Variants in MSANTD4 observed in about 807,000 individuals in gnomAD.
MSANTD4 encodes the protein myb/SANT-like DNA-binding domain-containing protein 4.
Under a neutral mutation model 34.3 loss-of-function variants are expected in MSANTD4, and 13 were observed. That is an observed-to-expected ratio of 0.38 (90% CI 0.25 to 0.60). The LOEUF is 0.60. MSANTD4 is among the 20% of genes least tolerant of loss of function. The pLI, the probability that MSANTD4 is intolerant of heterozygous loss-of-function variation, is 0.63. For missense variants in MSANTD4, 358 were observed against 401.8 expected (o/e 0.89, Z 0.93); for synonymous variants, 137 against 145.2 (o/e 0.94, Z 0.41).
At chr11:106,013,405 C>T (rs1204890230) in intron 1 of MSANTD4, among the ~76,000 whole-genome samples, 2 of 152,140 alleles carry the variant, frequency 1.3e-5, no homozygotes, top group Non-Finnish European at 2.9e-5. Context: ...CCCATCATAA[C>T]ATTAAATGGG....
intron 1 of MSANTD4, among the ~76,000 whole-genome samples, chr11:106,016,913 A>C (rs1859868197): frequency 6.6e-6 from 1 of 152,130 alleles, no homozygotes; most frequent in African/African-American, 2.4e-5. Flanking sequence ...AACAGAACAG[A>C]GAGCCAAAGA....
At chr11:106,015,030 T>C (rs1859806492) in intron 1 of MSANTD4, among the ~76,000 whole-genome samples, 2 of 152,168 alleles carry the variant, frequency 1.3e-5, no homozygotes, top group Admixed American at 1.3e-4. Flanking sequence ...AATAATAAAA[T>C]TGAAATCCAC....
At chr11:106,020,122 A>C (rs1384075358) in intron 1 of MSANTD4, among the ~76,000 whole-genome samples, 1 of 152,234 alleles carries the variant, frequency 6.6e-6, no homozygotes, top group Non-Finnish European at 1.5e-5. Flanking sequence ...CAAAAACTAC[A>C]ATAAAGAAAT....
At chr11:106,013,633 G>A (rs2134945334) in intron 1 of MSANTD4, among the ~76,000 whole-genome samples, 1 of 152,306 alleles carries the variant, frequency 6.6e-6, no homozygotes, top group South Asian at 2.1e-4. Context: ...GGCTGAGGCG[G>A]GCGGATTGCC....
At chr11:106,014,314 G>A (rs1260610552) in intron 1 of MSANTD4, among the ~76,000 whole-genome samples, 1 of 152,038 alleles carries the variant, frequency 6.6e-6, no homozygotes, top group Non-Finnish European at 1.5e-5. Flanking sequence ...AAGCCTCCCC[G>A]CTTTGTGTTT....
At chr11:106,012,864 T>A (rs1425963444) in intron 1 of MSANTD4, among the ~76,000 whole-genome samples, 1 of 152,148 alleles carries the variant, frequency 6.6e-6, no homozygotes, top group East Asian at 1.9e-4. Context: ...CTAAAGCACA[T>A]CCACAATCCT....
chr11:106,020,755 G>A (rs1351685120), intron 1 of MSANTD4, among the ~76,000 whole-genome samples: 1 of 152,148 alleles, frequency 6.6e-6, no homozygotes, highest in African/African-American at 2.4e-5. Context: ...GATCTATTCT[G>A]AACTGATGAA....
At chr11:106,012,413 G>T (rs1488078649) in intron 1 of MSANTD4, among the ~76,000 whole-genome samples, 2 of 152,102 alleles carry the variant, frequency 1.3e-5, no homozygotes, top group East Asian at 3.8e-4. Flanking sequence ...GCAGTACTTT[G>T]TATTTTTCTG....
rs1251331890 is a variant in MSANTD4 at position 106,010,670 on chromosome 11, T to C, written c.248A>G (p.Lys83Arg). The C allele has an allele frequency of 1.2e-6, 2 of 1,614,050 alleles. No homozygotes were observed. The highest frequency in any genetic ancestry group is 2.2e-5 in the East Asian group (1 of 44,896). ...CAGCTTAATGTTGGCCTTCATCCTC[T>C]TTCTCTTCATAAGTGCTCGCCAGTC... ...YLDWRALMKRKRMKANIKLVG... is the reference protein window; with the variant it reads ...YLDWRALMKRRRMKANIKLVG... Residue 83 changes from lysine to arginine, a missense_variant, in exon 2 of 3, where the codon AAG becomes AGG. Lys to Arg is a conservative substitution (Grantham distance 26). Around this residue, in one of 2 missense-constraint regions of MSANTD4, gnomAD observed 312 missense variants for 317.6 expected, o/e 0.98. Transcript: ENST00000301919.
chr11:106,019,441 G>A (rs1356779463), intron 1 of MSANTD4, among the ~76,000 whole-genome samples: 1 of 152,090 alleles, frequency 6.6e-6, no homozygotes, highest in East Asian at 1.9e-4. Flanking sequence ...AATAATGTAA[G>A]GCTACTGGCT....
At chr11:106,011,560 C>G (rs1303412692) in intron 1 of MSANTD4, among the ~76,000 whole-genome samples, 1 of 152,158 alleles carries the variant, frequency 6.6e-6, no homozygotes, top group African/African-American at 2.4e-5. Flanking sequence ...TCAAATTACT[C>G]CAGCATAAAA....
At chr11:106,011,547 A>G (rs1859693280) in intron 1 of MSANTD4, among the ~76,000 whole-genome samples, 1 of 152,164 alleles carries the variant, frequency 6.6e-6, no homozygotes, top group Non-Finnish European at 1.5e-5. Context: ...CTTTCCTGAC[A>G]AATCAAATTA....
At chr11:106,010,231 A>G (rs1353545533) in intron 2 of MSANTD4, 121 bp from the exon 3 acceptor site, 1 of 1,167,518 alleles carries the variant, frequency 8.6e-7, no homozygotes, top group South Asian at 1.7e-5. Flanking sequence ...AATTTTGAAT[A>G]TCATTTACAC....
At position 106,010,067 on chromosome 11, in the gene MSANTD4, G is replaced by A; in HGVS notation, c.506C>T (p.Pro169Leu). 6.3e-7 allele frequency: 1 copy of A among 1,588,430 alleles called. No homozygotes were observed. Reference sequence around the variant, plus strand: ...AAGTTCATTTTCTCTCCTGGAATCTGGTATGACGGATGACAACATTTCTTC... The same window carrying A: ...AAGTTCATTTTCTCTCCTGGAATCTAGTATGACGGATGACAACATTTCTTC... ...EEEEMLSSVI[P>L]DSRRENELPD... Residue 169 changes from proline (P) to leucine (L), a missense_variant, in exon 3 of 3, where the codon CCA (proline) becomes CTA (leucine). Coordinates refer to ENST00000301919, the MANE Select transcript of MSANTD4 (RefSeq NM_032424.3).
rs1471654522 is a variant in MSANTD4, at chr11:106,010,468, C to T, written c.450G>A (p.Pro150=). ...GGCTAATACTTACTTCAGGACTCTG[C>T]GGATCCCTTTCTTCCTCTTCCACCT... The part of the protein sequence containing the change: ...EVKVEEEERD[P]QSPEFEIEEE... Residue 150 remains proline, a synonymous_variant, in exon 2 of 3, where the codon CCG becomes CCA. Transcript: ENST00000301919. 7.4e-6 allele frequency: 12 copies of T among 1,612,178 alleles called. No homozygotes were observed. Among genetic ancestry groups the T allele is most frequent in the East Asian group, 4.5e-5 (2 of 44,872 alleles).
Position 106,013,639 on chromosome 11 carries a change from T to C in MSANTD4, c.-150-2572A>G, listed in dbSNP as rs1483670923. ...ACTTTGGGAGGCTGAGGCGGGCGGA[T>C]TGCCTGAGCTCAGAAGTTCAAGACC... On this transcript the variant is annotated intron_variant, in intron 1 of 2. Coordinates refer to ENST00000301919, the MANE Select transcript of MSANTD4 (RefSeq NM_032424.3). Among the ~76,000 whole-genome samples, 10 of 152,180 alleles carry C rather than the reference T, an allele frequency of 6.6e-5. 1 individual carries two copies. The highest frequency in any genetic ancestry group is 4.1e-4 in the South Asian group (2 of 4,830).
chr11:106,022,255 C>T (rs952984546), upstream of MSANTD4: 2 of 152,586 alleles, frequency 1.3e-5, no homozygotes, highest in African/African-American at 2.4e-5. Context: ...AAAGATGCTT[C>T]ATTGATCCCC....
chr11:106,009,419 A>T lies in MSANTD4; in HGVS notation c.*116T>A. ...AGTTATCCACATATAACTTTTTCCT[A>T]CTGAACACTGACATTAGACAAGAAA... On this transcript the variant is annotated 3_prime_UTR_variant, in exon 3 of 3. Coordinates refer to ENST00000301919, the MANE Select transcript of MSANTD4 (RefSeq NM_032424.3). The T allele has an allele frequency of 2.0e-6, 2 of 989,550 alleles. No individual in the cohort carries two copies. Among genetic ancestry groups the T allele is most frequent in the Non-Finnish European group, 3.0e-6 (2 of 676,218 alleles). The allele number at this position is 989,550 out of a possible 1,614,324, so 61.3% of individuals were successfully genotyped here. A position where few individuals can be genotyped will look rare whatever the true frequency, so the allele number is the denominator to read the frequency against.
chr11:106,018,364 G>T (rs190571686), intron 1 of MSANTD4, among the ~76,000 whole-genome samples: 3 of 152,248 alleles, frequency 2.0e-5, no homozygotes, highest in Admixed American at 2.0e-4. Flanking sequence ...CTACTCAAAA[G>T]TGTAGGTCTA....
Sources: gnomAD v4.1 joint callset for allele counts (sites outside exome capture counted in the v4.1 genomes callset) on GRCh38, gnomAD v4.1.1 for gene constraint, gnomAD v4.1.1 regional missense constraint, MANE v1.5 for transcripts, NCBI Gene and HGNC (gene_info 2026-07-23, HGNC 2026-07-21) for gene names.